STAG1: variants seen among roughly 807,000 people sequenced by gnomAD.
The protein encoded by STAG1 is STAG1 cohesin complex component.
A neutral mutation model predicts 170.9 loss-of-function variants in STAG1; 26 were observed. That is an observed-to-expected ratio of 0.15 (90% CI 0.11 to 0.21). The LOEUF (loss-of-function observed/expected upper bound fraction) is 0.21. Ranked by LOEUF, STAG1 falls within the 10% of genes least tolerant of loss-of-function variation. STAG1 has a pLI of 1.00. For synonymous variants in STAG1, 514 were observed against 497.7 expected, an observed-to-expected ratio of 1.03 and a Z score of -0.44; for missense variants, 964 against 1,509.5, an observed-to-expected ratio of 0.64 and a Z score of 5.99.
chr3:136,389,848 T>C (rs2086962011), intron 22 of STAG1, among the ~76,000 whole-genome samples: 1 of 148,050 alleles, frequency 6.8e-6, no homozygotes, highest in South Asian at 2.2e-4. Flanking sequence ...TTTTTTTTTT[T>C]TGAGATGGAG....
intron 8 of STAG1, among the ~76,000 whole-genome samples, 175 bp from the exon 9 acceptor site, chr3:136,500,471 T>C (rs1365558994): frequency 6.6e-6 from 1 of 152,208 alleles, no homozygotes; most frequent in Non-Finnish European, 1.5e-5. Context: ...TTTACATTTA[T>C]ATCATATTGG....
At chr3:136,465,898 G>A (rs1241079083) in intron 12 of STAG1, among the ~76,000 whole-genome samples, 1 of 152,120 alleles carries the variant, frequency 6.6e-6, no homozygotes, top group Non-Finnish European at 1.5e-5. Context: ...AAGAAATCCA[G>A]CTGAGCATGG....
chr3:136,732,175 G>A (rs980570347), intron 1 of STAG1, among the ~76,000 whole-genome samples: 4 of 135,156 alleles, frequency 3.0e-5, no homozygotes, highest in Non-Finnish European at 4.7e-5. Flanking sequence ...CCCTACACTA[G>A]TTTTTGTTCT....
At chr3:136,744,559 T>A (rs1404264273) in intron 1 of STAG1, among the ~76,000 whole-genome samples, 1 of 152,196 alleles carries the variant, frequency 6.6e-6, no homozygotes, top group East Asian at 1.9e-4. Flanking sequence ...TGAAATGGTT[T>A]CTTCTCATGG....
At chr3:136,683,801 C>G (rs1942423119) in intron 1 of STAG1, among the ~76,000 whole-genome samples, 2 of 152,170 alleles carry the variant, frequency 1.3e-5, no homozygotes, top group African/African-American at 4.8e-5. Context: ...AAAATCCACA[C>G]AAGAGCTGAC....
At chr3:136,488,370 G>A (rs1443042093) in intron 9 of STAG1, among the ~76,000 whole-genome samples, 7 of 152,286 alleles carry the variant, frequency 4.6e-5, no homozygotes, top group East Asian at 3.9e-4. Flanking sequence ...TGATGCACCC[G>A]CCTTGGCCTC....
At chr3:136,450,913 A>AT (rs2088917555) in intron 14 of STAG1, among the ~76,000 whole-genome samples, 1 of 151,746 alleles carries the variant, frequency 6.6e-6, no homozygotes, top group South Asian at 2.1e-4. Context: ...CGCTCAGCTA[A>AT]TTTTTTTCTA....
chr3:136,631,140 A>G (rs544387474), intron 1 of STAG1, among the ~76,000 whole-genome samples, 159 bp from the exon 2 acceptor site: 4 of 152,248 alleles, frequency 2.6e-5, no homozygotes, highest in Non-Finnish European at 5.9e-5. Context: ...AGTTTTATTC[A>G]TAACTGCCAA....
At chr3:136,484,653 A>G (rs1239600459) in intron 9 of STAG1, among the ~76,000 whole-genome samples, 1 of 150,224 alleles carries the variant, frequency 6.7e-6, no homozygotes, top group African/African-American at 2.4e-5. Flanking sequence ...AAGCCTGGGC[A>G]ATGGCGGGCG....
At chr3:136,626,282 C>A (rs1339085148) in intron 2 of STAG1, among the ~76,000 whole-genome samples, 1 of 151,644 alleles carries the variant, frequency 6.6e-6, no homozygotes, top group East Asian at 1.9e-4. Context: ...AAAAATTATC[C>A]AGGCATGGTG....
intron 22 of STAG1, among the ~76,000 whole-genome samples, chr3:136,389,997 A>T (rs1394820556): frequency 3.4e-5 from 5 of 148,344 alleles, no homozygotes; most frequent in Admixed American, 3.4e-4. Context: ...ACGCCCAACT[A>T]ATTTTTTCTA....
chr3:136,384,154 G>C (rs1938134105), intron 22 of STAG1, among the ~76,000 whole-genome samples: 1 of 151,788 alleles, frequency 6.6e-6, no homozygotes, highest in Non-Finnish European at 1.5e-5. Flanking sequence ...GCAGCATTAT[G>C]AAAGTAAGAA....
At chr3:136,737,262 CCA>C in intron 1 of STAG1, 1 of 562,366 alleles carries the variant, frequency 1.8e-6, no homozygotes, top group Non-Finnish European at 3.3e-6. Context: ...ACCCCCATGC[CCA>C]GTTAATTTTT....
rs748335449 is a variant in STAG1 at position 136,433,634 on chromosome 3, A to G, written c.1572T>C (p.Ala524=). Residue 524 remains alanine (A), a synonymous_variant, in exon 16 of 34, where the codon GCT becomes GCC. Transcript: ENST00000383202. ...TTGTACAAACCATTAGCTCTATAAG[A>G]GCACTCTCTTGACGATCAGACATTG... is the stretch of plus-strand genomic sequence containing the variant. ...EEAMSDRQES[A]LIELMVCTIR... 1 of 1,610,028 alleles carries G rather than the reference A, an allele frequency of 6.2e-7. No individual in the cohort carries two copies. Among genetic ancestry groups the G allele is most frequent in the Non-Finnish European group, 8.5e-7 (1 of 1,178,506 alleles).
chr3:136,716,076 C>G (rs921199217), intron 1 of STAG1, among the ~76,000 whole-genome samples: 1 of 151,762 alleles, frequency 6.6e-6, no homozygotes, highest in African/African-American at 2.4e-5. Context: ...CCAGTGTGGG[C>G]GACACAGAGA....
At chr3:136,439,070 C>T (rs1394081182) in intron 15 of STAG1, among the ~76,000 whole-genome samples, 1 of 151,376 alleles carries the variant, frequency 6.6e-6, no homozygotes, top group African/African-American at 2.4e-5. Context: ...GTGGTGAGCG[C>T]CTGTAATCCC....
intron 25 of STAG1, among the ~76,000 whole-genome samples, chr3:136,364,204 T>A (rs776789441): frequency 8.5e-5 from 13 of 152,100 alleles, no homozygotes; most frequent in Non-Finnish European, 1.6e-4. Context: ...CACCTCAGCC[T>A]CCCAAGTAGA....
intron 28 of STAG1, among the ~76,000 whole-genome samples, chr3:136,352,054 A>G (rs1936452388): frequency 6.6e-6 from 1 of 152,256 alleles, no homozygotes; most frequent in South Asian, 2.1e-4. Flanking sequence ...AACTAAACAA[A>G]TAAATGACCA....
chr3:136,589,628 CAAA>C (rs71626007), intron 4 of STAG1, among the ~76,000 whole-genome samples: 1,237 of 46,166 alleles, frequency 0.027, 9 homozygotes, highest in Non-Finnish European at 0.044. Flanking sequence ...CAAAGGGAGC[CAAA>C]AAAAAAAAAA....
Sources: gnomAD v4.1 joint callset for allele counts (sites outside exome capture counted in the v4.1 genomes callset) on GRCh38, gnomAD v4.1.1 for gene constraint, MANE v1.5 for transcripts, NCBI Gene and HGNC (gene_info 2026-07-23, HGNC 2026-07-21) for gene names.